The following GYG1 variants were observed in gnomAD, a reference collection of about 807,000 sequenced individuals.
The protein encoded by GYG1 is glycogenin-1.
In GYG1, 44 loss-of-function variants were observed where a neutral mutation model predicts 41.9. The ratio of observed to expected loss-of-function variants is 1.05; its 90% CI spans 0.83 to 1.35. The LOEUF (loss-of-function observed/expected upper bound fraction) is 1.35, where lower values mean the gene tolerates loss of function less well. GYG1 is among the 40% of genes most tolerant of loss of function. The probability of loss-of-function intolerance (pLI) is 0.00; values close to 1 mark genes in which losing one functional copy is unlikely to be tolerated. For missense variants in GYG1, 429 were observed against 418.9 expected (o/e 1.02, Z -0.21); for synonymous variants, 141 against 158.1 (o/e 0.89, Z 0.81).
chr3:149,002,534 G>A (rs1429068804), intron 4 of GYG1, among the ~76,000 whole-genome samples: 7 of 152,176 alleles, frequency 4.6e-5, no homozygotes, highest in East Asian at 1.9e-4. Context: ...GTGAGATGCC[G>A]TGATGCTGGG....
At chr3:148,997,047 G>T in intron 4 of GYG1, 143 bp downstream of exon 4, 9 of 650,080 alleles carry the variant, frequency 1.4e-5, no homozygotes, top group Middle Eastern at 3.3e-4. Context: ...TGCTCTTCTG[G>T]GAAATATTGT....
chr3:149,009,158 C>CAA (rs3043934), intron 4 of GYG1, 118 bp from the exon 5 acceptor site: 18,682 of 632,442 alleles, frequency 0.03, 2 homozygotes, highest in Middle Eastern at 0.044. Context: ...GACTCCGTCT[C>CAA]AAAAAAAAAA....
chr3:149,002,222 TAC>T (rs1713129296), intron 4 of GYG1, among the ~76,000 whole-genome samples: 1 of 152,168 alleles, frequency 6.6e-6, no homozygotes, highest in South Asian at 2.1e-4. Flanking sequence ...TGGTAAATAA[TAC>T]AGATTTTATT....
In GYG1 at chr3:149,028,993, A is replaced by T. The variant is rs1196453032; in HGVS notation, c.*2060A>T. ...TGGCCTCCCAAAGTGCTGGGATTAC[A>T]GGCGTGAGCCACTGCACCCAGCAAA... On this transcript the variant is annotated 3_prime_UTR_variant, in exon 8 of 8. Transcript: ENST00000345003. Among the ~76,000 whole-genome samples, 1 of 152,234 alleles carries T rather than the reference A, an allele frequency of 6.6e-6. No homozygotes were observed. Among genetic ancestry groups the T allele is most frequent in the African/African-American group, 2.4e-5 (1 of 41,468 alleles).
intron 4 of GYG1, among the ~76,000 whole-genome samples, chr3:148,999,788 G>A (rs1712994010): frequency 6.6e-6 from 1 of 152,168 alleles, no homozygotes; most frequent in African/African-American, 2.4e-5. Flanking sequence ...AGGCACTGAT[G>A]AACATTTTCA....
intron 5 of GYG1, among the ~76,000 whole-genome samples, chr3:149,017,216 A>G (rs3772571): frequency 0.3 from 45,388 of 152,106 alleles, 7,476 homozygotes; most frequent in Middle Eastern, 0.45. Context: ...TCACATAAGC[A>G]GTATTATTGC....
chr3:149,007,188 T>C (rs1038173120), intron 4 of GYG1, among the ~76,000 whole-genome samples: 3 of 152,190 alleles, frequency 2.0e-5, no homozygotes, highest in Admixed American at 6.5e-5. Context: ...TGGGCCTCTT[T>C]TATAAGAGCA....
rs1356322986 is a variant in GYG1, at chr3:148,996,381, A to T, written c.223A>T (p.Met75Leu). 1 of 1,612,490 alleles carries T rather than the reference A, an allele frequency of 6.2e-7. No individual in the cohort carries two copies. The highest frequency in any genetic ancestry group is 8.5e-7 in the Non-Finnish European group (1 of 1,179,292). ...TGGCGATTCTGCTCATCTAACCTTA[A>T]TGAAGAGGCCAGAGTTGGGTGTCAC... Reference protein sequence around the residue: ...DSGDSAHLTLMKRPELGVTLT... With the variant: ...DSGDSAHLTLLKRPELGVTLT... The change falls in exon 3 of 8, where the codon ATG (methionine) becomes TTG (leucine). Residue 75 changes from methionine (M) to leucine (L), a missense_variant. Met to Leu is a conservative substitution (Grantham distance 15). Coordinates refer to ENST00000345003, the MANE Select transcript of GYG1 (RefSeq NM_004130.4).
At chr3:149,008,041 T>G (rs1334705827) in intron 4 of GYG1, 1 of 152,242 alleles carries the variant, frequency 6.6e-6, no homozygotes, top group Non-Finnish European at 1.5e-5. Flanking sequence ...GACACTTTGC[T>G]GTATCATTGT....
intron 4 of GYG1, among the ~76,000 whole-genome samples, chr3:149,007,756 TG>T (rs1305569955): frequency 6.6e-6 from 1 of 152,228 alleles, no homozygotes; most frequent in Non-Finnish European, 1.5e-5. Context: ...TATTCCTGCC[TG>T]ATGCTTAGAG....
At chr3:149,011,554 A>AT (rs1361507384) in intron 5 of GYG1, among the ~76,000 whole-genome samples, 1 of 152,208 alleles carries the variant, frequency 6.6e-6, no homozygotes, top group Non-Finnish European at 1.5e-5. Flanking sequence ...AGCCTGGTTT[A>AT]TGCAGACACT....
chr3:148,993,173 T>C (rs920208466), intron 1 of GYG1, among the ~76,000 whole-genome samples: 8 of 151,984 alleles, frequency 5.3e-5, no homozygotes, highest in Non-Finnish European at 1.0e-4. Flanking sequence ...TCCCAGGGAA[T>C]GACTGGAGAA....
intron 5 of GYG1, among the ~76,000 whole-genome samples, chr3:149,015,542 G>C (rs534920451): frequency 6.6e-6 from 1 of 152,354 alleles, no homozygotes; most frequent in South Asian, 2.1e-4. Flanking sequence ...GGAGTGATCT[G>C]TGTCTGTGTC....
chr3:148,991,764 C>T, intron 1 of GYG1, 117 bp downstream of exon 1: 1 of 855,252 alleles, frequency 1.2e-6, no homozygotes, highest in Non-Finnish European at 1.8e-6. Context: ...GAAACCGCCG[C>T]AAAGTTGCTG....
At chr3:149,013,369 C>A (rs1432691886) in intron 5 of GYG1, among the ~76,000 whole-genome samples, 1 of 152,044 alleles carries the variant, frequency 6.6e-6, no homozygotes, top group African/African-American at 2.4e-5. Context: ...TTTTTGCTTT[C>A]TATTATATCC....
In GYG1 at chr3:149,031,296, A is replaced by G. The variant is rs1715015551; in HGVS notation, c.*4363A>G. The G allele has an allele frequency of 1.3e-5, 2 of 152,652 alleles. No individual in the cohort carries two copies. The highest frequency in any genetic ancestry group is 4.8e-5 in the African/African-American group (2 of 41,454). The allele number at this position is 152,652 out of a possible 1,614,324, so 9.5% of individuals were successfully genotyped here. A position where few individuals can be genotyped will look rare whatever the true frequency, so the allele number is the denominator to read the frequency against. ...AGGATTAAGATGTCTTTAAGAGTTGAAACGACTTTGGAGATCATCCAGCCC... is the reference window on the plus strand; with the variant it reads ...AGGATTAAGATGTCTTTAAGAGTTGGAACGACTTTGGAGATCATCCAGCCC... On this transcript the variant is annotated 3_prime_UTR_variant, in exon 8 of 8. Transcript: ENST00000345003.
intron 2 of GYG1, 80 bp downstream of exon 2, chr3:148,994,357 G>A: frequency 6.9e-7 from 1 of 1,447,056 alleles, no homozygotes; most frequent in Non-Finnish European, 9.7e-7. Context: ...GGACATTGAG[G>A]CCATGCTCTT....
At position 149,030,623 on chromosome 3, in the gene GYG1, T is replaced by C. The variant is rs1559848166; in HGVS notation, c.*3690T>C. On this transcript the variant is annotated 3_prime_UTR_variant, in exon 8 of 8. Coordinates refer to ENST00000345003, the MANE Select transcript of GYG1 (RefSeq NM_004130.4). ...AGAACCCATACTCTGATCAACTTGA[T>C]TTTTTGTGTGTAATGCTTGATCTAC... The C allele has an allele frequency of 6.6e-6, 1 of 152,222 alleles. No individual in the cohort carries two copies. Among genetic ancestry groups the C allele is most frequent in the South Asian group, 2.1e-4 (1 of 4,834 alleles). The allele number at this position is 152,222 out of a possible 1,614,324, so 9.4% of individuals were successfully genotyped here. A position where few individuals can be genotyped will look rare whatever the true frequency, so the allele number is the denominator to read the frequency against.
Position 149,028,168 on chromosome 3 carries a change from G to C in GYG1, c.*1235G>C, listed in dbSNP as rs1339031171. 6.6e-6 allele frequency among the ~76,000 whole-genome samples: 1 copy of C among 152,104 alleles called. No homozygotes were observed. The highest frequency in any genetic ancestry group is 1.5e-5 in the Non-Finnish European group (1 of 67,982). On this transcript the variant is annotated 3_prime_UTR_variant, in exon 8 of 8. Coordinates refer to ENST00000345003, the MANE Select transcript of GYG1 (RefSeq NM_004130.4). ...TGACAGGAAGAAACTTTAGAGGTTT[G>C]ATTGGGCAAAAGCTGCAAAGCTTTT...
Sources: gnomAD v4.1 joint callset for allele counts (sites outside exome capture counted in the v4.1 genomes callset) on GRCh38, gnomAD v4.1.1 for gene constraint, MANE v1.5 for transcripts, NCBI Gene and HGNC (gene_info 2026-07-23, HGNC 2026-07-21) for gene names.